The following TMC1 variants were observed in gnomAD, a reference collection of about 807,000 sequenced individuals.
TMC1 encodes transmembrane channel like 1, also known as transmembrane channel-like protein 1.
TMC1 carries 84 observed loss-of-function variants against 105.8 expected under a neutral mutation model. The observed-to-expected ratio is 0.79, with a 90% confidence interval of 0.67 to 0.95. The LOEUF (loss-of-function observed/expected upper bound fraction) is 0.95, where lower values mean the gene tolerates loss of function less well. Ranked by LOEUF, TMC1 falls within the 40% of genes least tolerant of loss-of-function variation. TMC1 has a pLI of 0.00. For synonymous variants in TMC1, 315 were observed against 311.5 expected (o/e 1.01, Z -0.12); for missense variants, 817 against 914.1 (o/e 0.89, Z 1.37).
At chr9:72,581,199 G>A (rs771576652) in intron 2 of TMC1, among the ~76,000 whole-genome samples, 4 of 152,168 alleles carry the variant, frequency 2.6e-5, no homozygotes, top group Non-Finnish European at 4.4e-5. Flanking sequence ...TTTCTTGGAT[G>A]GATAATGCAT....
At chr9:72,745,244 C>A (rs1393070826) in intron 10 of TMC1, among the ~76,000 whole-genome samples, 1 of 152,112 alleles carries the variant, frequency 6.6e-6, no homozygotes, top group Non-Finnish European at 1.5e-5. Context: ...TGCACATTAA[C>A]CTTCCTATTT....
At chr9:72,690,469 C>T (rs1205844166) in intron 6 of TMC1, among the ~76,000 whole-genome samples, 2 of 152,032 alleles carry the variant, frequency 1.3e-5, no homozygotes, top group Non-Finnish European at 2.9e-5. Flanking sequence ...TTAGTGTCCT[C>T]TCTTTTCAAC....
rs892513290 is a variant in TMC1 at position 72,735,087 on chromosome 9, G to C, written c.363-5032G>C. 2.6e-5 allele frequency among the ~76,000 whole-genome samples: 4 copies of C among 152,320 alleles called. No individual in the cohort carries two copies. The East Asian group carries it at 7.7e-4, about 29-fold the overall frequency. ...CAACACAACGGATTGATAAATGAAT[G>C]ATGAGGCCAGGTATTATTGTCATTA... On this transcript the variant is annotated intron_variant, in intron 8 of 23. Coordinates refer to ENST00000297784, the MANE Select transcript of TMC1 (RefSeq NM_138691.3).
At chr9:72,572,222 G>C (rs2132091006) in intron 1 of TMC1, among the ~76,000 whole-genome samples, 1 of 150,804 alleles carries the variant, frequency 6.6e-6, no homozygotes, top group African/African-American at 2.4e-5. Context: ...TTTAAACCAG[G>C]ATCTCACTTG....
intron 13 of TMC1, among the ~76,000 whole-genome samples, chr9:72,774,440 G>A (rs1194766669): frequency 2.0e-5 from 3 of 152,164 alleles, no homozygotes; most frequent in Non-Finnish European, 2.9e-5. Flanking sequence ...TTGAAATCTG[G>A]TGTGTATTTT....
chr9:72,536,272 A>G (rs1177255311), intron 1 of TMC1, among the ~76,000 whole-genome samples: 2 of 152,204 alleles, frequency 1.3e-5, no homozygotes, highest in Admixed American at 1.3e-4. Flanking sequence ...CATTTCCCTA[A>G]GGGAGAAACT....
intron 13 of TMC1, among the ~76,000 whole-genome samples, chr9:72,780,781 T>C (rs1171817580): frequency 6.6e-6 from 1 of 152,196 alleles, no homozygotes; most frequent in Non-Finnish European, 1.5e-5. Flanking sequence ...CTGTCCTAAA[T>C]GTATATGTAC....
At chr9:72,725,325 GTATATATA>G (rs57562145) in intron 8 of TMC1, among the ~76,000 whole-genome samples, 1,227 of 77,682 alleles carry the variant, frequency 0.016, 36 homozygotes, top group African/African-American at 0.038. Context: ...ATGTGTGTAT[GTATATATA>G]TATATATATA....
chr9:72,625,294 C>T (rs1290506456), intron 3 of TMC1, among the ~76,000 whole-genome samples: 3 of 152,126 alleles, frequency 2.0e-5, no homozygotes, highest in African/African-American at 7.2e-5. Flanking sequence ...CAAGACAGAA[C>T]ATTCACCAGG....
At chr9:72,745,000 G>T (rs1384619578) in intron 10 of TMC1, among the ~76,000 whole-genome samples, 5 of 152,182 alleles carry the variant, frequency 3.3e-5, no homozygotes. Context: ...AATTTGGAAA[G>T]CCACGCTGGA....
rs116184492 is a variant in TMC1 at position 72,680,352 on chromosome 9, T to G, written c.17-8357T>G. ...AAGTTGAGTCTGTGAGAGAAAAAAT[T>G]AGGATGAATTGAGAATAACTAGAAT... On this transcript the variant is annotated intron_variant, in intron 5 of 23. Coordinates refer to ENST00000297784, the MANE Select transcript of TMC1 (RefSeq NM_138691.3). Among the ~76,000 whole-genome samples the G allele has an allele frequency of 4.1e-3, 621 of 152,202 alleles. 3 individuals carry two copies. The highest frequency in any genetic ancestry group is 0.014 in the African/African-American group (591 of 41,546).
At chr9:72,794,790 G>A (rs1432992950) in intron 17 of TMC1, among the ~76,000 whole-genome samples, 1 of 152,152 alleles carries the variant, frequency 6.6e-6, no homozygotes, top group African/African-American at 2.4e-5. Context: ...TAGCTGAAAT[G>A]ACTGAAATAG....
chr9:72,761,138 A>G (rs1410235869), intron 12 of TMC1, among the ~76,000 whole-genome samples: 2 of 152,240 alleles, frequency 1.3e-5, no homozygotes, highest in Non-Finnish European at 2.9e-5. Context: ...ATTATTATGT[A>G]TGCAATGAAT....
At chr9:72,796,939 G>A (rs1828381231) in intron 17 of TMC1, among the ~76,000 whole-genome samples, 1 of 152,074 alleles carries the variant, frequency 6.6e-6, no homozygotes, top group African/African-American at 2.4e-5. Context: ...AATTATCTTT[G>A]TTTGCAGATG....
chr9:72,750,887 C>T (rs1827570798), intron 10 of TMC1, among the ~76,000 whole-genome samples: 2 of 152,190 alleles, frequency 1.3e-5, no homozygotes, highest in Non-Finnish European at 2.9e-5. Flanking sequence ...AGTCCCAAGC[C>T]CTTGCCCCTT....
At chr9:72,806,254 G>A (rs1029192772) in intron 18 of TMC1, among the ~76,000 whole-genome samples, 20 of 145,946 alleles carry the variant, frequency 1.4e-4, no homozygotes, top group African/African-American at 4.0e-4. Context: ...CGGATGGGGC[G>A]GCTGGCCGGG....
intron 18 of TMC1, among the ~76,000 whole-genome samples, chr9:72,808,346 G>C (rs1165229963): frequency 1.3e-5 from 2 of 152,196 alleles, no homozygotes; most frequent in African/African-American, 4.8e-5. Context: ...GCTAGGAATG[G>C]CTGGTTTCTT....
Position 72,823,370 on chromosome 9 carries a change from C to G in TMC1, c.2003+2289C>G, listed in dbSNP as rs76417484. ...CCAAGTTTTAGGTGATTTGCTTAAC[C>G]TTCCTGGTGAAGGTTGTCTGACTCT... On this transcript the variant is annotated intron_variant, in intron 20 of 23. Transcript: ENST00000297784. Among the ~76,000 whole-genome samples the G allele has an allele frequency of 4.5e-4, 68 of 152,202 alleles. 5 individuals carry two copies. In the East Asian group the frequency reaches 0.013, roughly 29 times the overall value.
rs533402175 is a variant in TMC1, at chr9:72,537,385, C to T, written c.-428+15472C>T. Among the ~76,000 whole-genome samples, 39 of 152,324 alleles carry T rather than the reference C, an allele frequency of 2.6e-4. 3 individuals are homozygous for T. The South Asian group carries it at 7.9e-3, about 31-fold the overall frequency. On this transcript the variant is annotated intron_variant, in intron 1 of 23. Coordinates refer to ENST00000297784, the MANE Select transcript of TMC1 (RefSeq NM_138691.3). ...CTTGAATTCCTCTCCTGAAAACACT[C>T]TTTCTTCATCTACCACAGGGCCAGG...
Sources: allele counts gnomAD v4.1 joint callset (sites outside exome capture counted in the v4.1 genomes callset), GRCh38; gene constraint gnomAD v4.1.1; transcripts MANE v1.5; gene names NCBI Gene and HGNC (gene_info 2026-07-23, HGNC 2026-07-21).